The following PIGG variants were observed in gnomAD, a reference collection of about 807,000 sequenced individuals.
PIGG encodes the protein GPI ethanolamine phosphate transferase 2, catalytic subunit.
Under a neutral mutation model 83.2 loss-of-function variants are expected in PIGG, and 70 were observed. The observed-to-expected ratio is 0.84, with a 90% confidence interval of 0.69 to 1.03. The LOEUF (loss-of-function observed/expected upper bound fraction) is 1.03. Ranked by LOEUF, PIGG falls within the 50% of genes least tolerant of loss-of-function variation. PIGG has a pLI of 0.00. For missense variants in PIGG, 1,257 were observed against 1,233.6 expected (o/e 1.02, Z -0.28); for synonymous variants, 532 against 519.5 (o/e 1.02, Z -0.33).
intron 12 of PIGG, among the ~76,000 whole-genome samples, chr4:534,289 C>G (rs1013527652): frequency 6.6e-6 from 1 of 152,150 alleles, no homozygotes; most frequent in Non-Finnish European, 1.5e-5. Flanking sequence ...AAGGAAAATT[C>G]CTTTTCCCGC....
intron 8 of PIGG, 177 bp downstream of exon 8, chr4:522,118 C>T (rs1311733441): frequency 4.4e-6 from 3 of 674,526 alleles, no homozygotes; most frequent in Non-Finnish European, 7.9e-6. Context: ...TATCCCAGGC[C>T]TCTGGGTGTC....
At chr4:499,798 C>A in intron 1 of PIGG, 2 of 1,184,436 alleles carry the variant, frequency 1.7e-6, no homozygotes, top group Non-Finnish European at 2.1e-6. Context: ...CTTTCCTGAG[C>A]AGCCTTTGGG....
At chr4:536,356 G>C (rs948570005) in intron 12 of PIGG, 1 of 152,246 alleles carries the variant, frequency 6.6e-6, no homozygotes, top group African/African-American at 2.4e-5. Flanking sequence ...TTTTCTTCAG[G>C]TGCCTGTGGA....
chr4:502,746 G>C (rs1417011694), intron 2 of PIGG, among the ~76,000 whole-genome samples: 1 of 152,000 alleles, frequency 6.6e-6, no homozygotes. Flanking sequence ...TAAAAATATC[G>C]GTGGGAACCC....
intron 5 of PIGG, among the ~76,000 whole-genome samples, chr4:511,488 A>G (rs1721944385): frequency 6.6e-6 from 1 of 151,948 alleles, no homozygotes; most frequent in African/African-American, 2.4e-5. Context: ...TATATTTCCT[A>G]TGTTGTCATT....
At chr4:527,824 GA>G (rs1173996157) in intron 10 of PIGG, 1 of 985,134 alleles carries the variant, frequency 1.0e-6, no homozygotes, top group Non-Finnish European at 1.2e-6. Flanking sequence ...TTGTGGTGGT[GA>G]ACACAGGAGT....
rs1016236773 is a variant in PIGG at position 528,912 on chromosome 4, G to A, written c.2262-1524G>A. On this transcript the variant is annotated intron_variant, in intron 10 of 12. Coordinates refer to ENST00000453061, the MANE Select transcript of PIGG (RefSeq NM_001127178.3). The surrounding 1 kb of genome is among the most constrained non-coding windows in gnomAD (Gnocchi z 4.8). ...TCCTTTGTCCCCATCTGTCCCGATC[G>A]TAAATAGGTCCTGGCTACAGAGGCA... 6.6e-6 allele frequency among the ~76,000 whole-genome samples: 1 copy of A among 152,092 alleles called. No individual in the cohort carries two copies. Among genetic ancestry groups the A allele is most frequent in the African/African-American group, 2.4e-5 (1 of 41,416 alleles).
rs1381955955 is a variant in PIGG at position 530,466 on chromosome 4, C to T, written c.2292C>T (p.Val764=). ...KGIIEARFVY[V]FVLGILFTGT... Reference sequence around the variant, plus strand: ...TTATTGAAGCTCGTTTTGTTTATGTCTTTGTCCTTGGCATTCTGTTCACGG... The same window carrying T: ...TTATTGAAGCTCGTTTTGTTTATGTTTTTGTCCTTGGCATTCTGTTCACGG... The change falls in exon 11 of 13, where the codon GTC becomes GTT. Residue 764 remains valine, a synonymous_variant. Transcript: ENST00000453061. 3 of 1,613,554 alleles carry T rather than the reference C, an allele frequency of 1.9e-6. 1 individual carries two copies. In the Admixed American group the frequency reaches 5.0e-5, roughly 27 times the overall value.
rs201460920 is a variant in PIGG, at chr4:527,087, C to T, written c.2118C>T (p.Leu706=). The change falls in exon 10 of 13, where the codon CTC becomes CTT. Residue 706 remains leucine (L), a synonymous_variant. Transcript: ENST00000453061. ...ELSVLAALSL[L]VVFVLVQRGC... is the part of the protein sequence containing the mutation. ...CTGTCCTGGCTGCCCTCTCCCTCCT[C>T]GTAGTTTTTGTGCTGGTGCAGAGGG... is the stretch of plus-strand genomic sequence containing the variant. The T allele has an allele frequency of 1.7e-5, 27 of 1,614,074 alleles. No individual in the cohort carries two copies. The East Asian group carries it at 4.5e-4, about 27-fold the overall frequency.
At chr4:506,037 A>G in intron 3 of PIGG, 110 bp downstream of exon 3, 1 of 746,540 alleles carries the variant, frequency 1.3e-6, no homozygotes. Context: ...GGTTTTATTA[A>G]TTTATAGGGA....
Position 500,574 on chromosome 4 carries a change from A to AC in PIGG, c.335dup (p.Thr113TyrfsTer52). On this transcript the variant is annotated frameshift_variant, in exon 2 of 13. Coordinates refer to ENST00000453061, the MANE Select transcript of PIGG (RefSeq NM_001127178.3). LOFTEE classifies it high-confidence loss of function. Reference sequence around the variant, plus strand: ...ACAGTTTTGTGGCTGAAGCAAAGCCACCTACAGTTACTATGCCTCGAATCA... The same window carrying AC: ...ACAGTTTTGTGGCTGAAGCAAAGCCACCCTACAGTTACTATGCCTCGAATCA... The AC allele has an allele frequency of 3.7e-6, 6 of 1,610,520 alleles. No individual in the cohort carries two copies. The highest frequency in any genetic ancestry group is 5.1e-6 in the Non-Finnish European group (6 of 1,176,708).
chr4:534,435 T>C (rs1317520173), intron 12 of PIGG, among the ~76,000 whole-genome samples: 1 of 152,226 alleles, frequency 6.6e-6, no homozygotes, highest in Non-Finnish European at 1.5e-5. Flanking sequence ...AGAAGGCTCC[T>C]GGCCAGGGCC....
At chr4:512,713 G>A (rs1014339587) in intron 5 of PIGG, among the ~76,000 whole-genome samples, 10 of 151,890 alleles carry the variant, frequency 6.6e-5, no homozygotes, top group Non-Finnish European at 7.4e-5. Context: ...TACTCAGGAC[G>A]CTGAGGCAGG....
chr4:507,490 A>G lies in PIGG; in HGVS notation c.656A>G (p.Asp219Gly). Residue 219 changes from aspartate (D) to glycine (G), a missense_variant, in exon 4 of 13, where the codon GAC (aspartate) becomes GGC (glycine). Transcript: ENST00000453061. ...TTAATCCTCCACTACCTGGGGCTGGACCACATTGGCCACATTTCAGGGCCC... is the reference window on the plus strand; with the variant it reads ...TTAATCCTCCACTACCTGGGGCTGGGCCACATTGGCCACATTTCAGGGCCC... ...DILILHYLGL[D>G]HIGHISGPNS... The G allele has an allele frequency of 6.2e-7, 1 of 1,614,054 alleles. No individual in the cohort carries two copies. Among genetic ancestry groups the G allele is most frequent in the Non-Finnish European group, 8.5e-7 (1 of 1,179,890 alleles).
At position 523,927 on chromosome 4, in the gene PIGG, C is replaced by T. The variant is rs751404127; in HGVS notation, c.2069+14C>T. On this transcript the variant is annotated intron_variant, in intron 9 of 12. Transcript: ENST00000453061. ...CTGGCTCACCAGGTGAGAGCGTAGG[C>T]CCGTGGCCACAGGCCAGACTTTCTA... 4.2e-5 allele frequency: 62 copies of T among 1,472,036 alleles called. No homozygotes were observed. The highest frequency in any genetic ancestry group is 6.4e-6 in the Non-Finnish European group (7 of 1,099,268). 91.2% of individuals were successfully genotyped at this position (1,472,036 alleles called of 1,614,324 possible).
intron 12 of PIGG, chr4:536,773 C>G (rs1730740023): frequency 6.6e-6 from 1 of 152,334 alleles, no homozygotes; most frequent in Non-Finnish European, 1.5e-5. Context: ...GCATCTGCCT[C>G]TGCCCTGGAG....
At chr4:530,953 A>C (rs1485659774) in intron 11 of PIGG, 5 of 547,536 alleles carry the variant, frequency 9.1e-6, no homozygotes, top group African/African-American at 3.8e-5. Context: ...GGTGCTTAAG[A>C]CAGCAGACTG....
intron 5 of PIGG, among the ~76,000 whole-genome samples, chr4:512,095 T>G (rs368327198): frequency 2.0e-5 from 3 of 152,172 alleles, no homozygotes; most frequent in South Asian, 2.1e-4. Flanking sequence ...ATTTGGAAAA[T>G]TTTCAGTTGT....
intron 3 of PIGG, among the ~76,000 whole-genome samples, chr4:506,374 G>A (rs1407479830): frequency 1.3e-5 from 2 of 152,174 alleles, no homozygotes; most frequent in Non-Finnish European, 2.9e-5. Context: ...ACTGGGTGGG[G>A]CCTGGTCCTG....
Sources: gnomAD v4.1 joint callset for allele counts (sites outside exome capture counted in the v4.1 genomes callset) on GRCh38, gnomAD v4.1.1 for gene constraint, Gnocchi (gnomAD v3.1) non-coding constraint, MANE v1.5 for transcripts, NCBI Gene and HGNC (gene_info 2026-07-23, HGNC 2026-07-21) for gene names.